TPH2: variants seen among roughly 807,000 people sequenced by gnomAD.
TPH2 encodes the protein tryptophan 5-hydroxylase 2.
A neutral mutation model predicts 59.1 loss-of-function variants in TPH2; 27 were observed. That is an observed-to-expected ratio of 0.46 (90% CI 0.34 to 0.63). The LOEUF (loss-of-function observed/expected upper bound fraction) is 0.63, where lower values mean the gene tolerates loss of function less well. Among genes scored for constraint, TPH2 ranks in the 30% least tolerant of loss-of-function variants. The pLI is 0.01. For missense variants in TPH2, 523 were observed against 588.3 expected (o/e 0.89, Z 1.15); for synonymous variants, 220 against 210.5 (o/e 1.05, Z -0.39).
At chr12:72,031,193 G>C in intron 9 of TPH2, 65 bp from the exon 10 acceptor site, 1 of 1,603,642 alleles carries the variant, frequency 6.2e-7, no homozygotes, top group Admixed American at 1.7e-5. Flanking sequence ...TTGTAAAAAT[G>C]TGATGTCATG....
At chr12:71,983,150 C>A (rs1424746617) in intron 7 of TPH2, among the ~76,000 whole-genome samples, 1 of 151,974 alleles carries the variant, frequency 6.6e-6, no homozygotes, top group Non-Finnish European at 1.5e-5. Flanking sequence ...GAACCCCTGG[C>A]AAATTAGTGA....
At chr12:71,976,752 G>A (rs976134570) in intron 6 of TPH2, among the ~76,000 whole-genome samples, 3 of 152,180 alleles carry the variant, frequency 2.0e-5, no homozygotes, top group Non-Finnish European at 4.4e-5. Flanking sequence ...ATCCCAGGAT[G>A]GGCCTGTTTT....
intron 1 of TPH2, among the ~76,000 whole-genome samples, chr12:71,939,429 T>C (rs1870995824): frequency 6.8e-6 from 1 of 147,978 alleles, no homozygotes; most frequent in East Asian, 2.0e-4. Context: ...GTGTGAAGAA[T>C]TTTGAAAAGC....
intron 8 of TPH2, among the ~76,000 whole-genome samples, chr12:72,018,945 A>T (rs1233487403): frequency 4.6e-5 from 7 of 152,130 alleles, no homozygotes; most frequent in Non-Finnish European, 1.0e-4. Context: ...TGGGTAAATC[A>T]CTTCATCTTC....
intron 5 of TPH2, 134 bp from the exon 6 acceptor site, chr12:71,972,385 A>G: frequency 1.2e-6 from 1 of 835,366 alleles, no homozygotes; most frequent in Admixed American, 1.7e-5. Context: ...AAAAAATAAT[A>G]CTTAATGGGA....
At chr12:72,000,973 C>T (rs1450715507) in intron 8 of TPH2, among the ~76,000 whole-genome samples, 3 of 152,208 alleles carry the variant, frequency 2.0e-5, no homozygotes, top group Non-Finnish European at 4.4e-5. Context: ...GGGCATCTTT[C>T]GTCAAACAGT....
At chr12:71,957,327 ATTTT>A (rs35425528) in intron 5 of TPH2, among the ~76,000 whole-genome samples, 7 of 95,590 alleles carry the variant, frequency 7.3e-5, no homozygotes, top group South Asian at 4.0e-4. Context: ...TGAGTAAAGG[ATTTT>A]TTTTTTTTTT....
Position 72,031,982 on chromosome 12 carries a change from T to G in TPH2, c.*287T>G. 1 of 424,974 alleles carries G rather than the reference T, an allele frequency of 2.4e-6. No homozygotes were observed. Among genetic ancestry groups the G allele is most frequent in the East Asian group, 4.9e-5 (1 of 20,340 alleles). 26.3% of individuals were successfully genotyped at this position (424,974 alleles called of 1,614,324 possible). On this transcript the variant is annotated 3_prime_UTR_variant, in exon 11 of 11. Coordinates refer to ENST00000333850, the MANE Select transcript of TPH2 (RefSeq NM_173353.4). ...TAACCAAACTGCATCTAGTTAAAAT[T>G]TGTAACAAATAGCCCTCTTATGAGT...
At chr12:71,942,049 T>A (rs1871084764) in intron 2 of TPH2, among the ~76,000 whole-genome samples, 1 of 152,170 alleles carries the variant, frequency 6.6e-6, no homozygotes, top group African/African-American at 2.4e-5. Context: ...AAACAGGGTA[T>A]CTTAAGTAGC....
intron 8 of TPH2, among the ~76,000 whole-genome samples, chr12:72,021,239 G>A (rs1221161726): frequency 2.6e-5 from 4 of 151,586 alleles, no homozygotes; most frequent in Non-Finnish European, 4.4e-5. Context: ...TCTTCTCGTT[G>A]TGCAAAGATT....
intron 8 of TPH2, among the ~76,000 whole-genome samples, chr12:72,014,835 T>G (rs1472418913): frequency 6.6e-6 from 1 of 152,160 alleles, no homozygotes; most frequent in Non-Finnish European, 1.5e-5. Flanking sequence ...AAAATTGATG[T>G]CTGGTGGGAG....
intron 1 of TPH2, among the ~76,000 whole-genome samples, chr12:71,939,588 G>A (rs1477755121): frequency 6.6e-6 from 1 of 152,116 alleles, no homozygotes; most frequent in Non-Finnish European, 1.5e-5. Context: ...AGTTATGGGT[G>A]CAGGTTATTG....
intron 6 of TPH2, among the ~76,000 whole-genome samples, chr12:71,975,929 G>A (rs527255036): frequency 4.1e-4 from 62 of 152,162 alleles, no homozygotes; most frequent in Non-Finnish European, 7.2e-4. Context: ...ATATCGAGAT[G>A]GCTTTTTACT....
At chr12:71,976,322 T>C (rs1223766389) in intron 6 of TPH2, among the ~76,000 whole-genome samples, 2 of 152,250 alleles carry the variant, frequency 1.3e-5, no homozygotes, top group Non-Finnish European at 2.9e-5. Flanking sequence ...ACTGGATATA[T>C]CGCCTAGTTT....
In TPH2 at chr12:71,978,956, G is replaced by A; in HGVS notation, c.810G>A (p.Arg270=). The change falls in exon 7 of 11, where the codon AGG becomes AGA. Residue 270 remains arginine (R), a synonymous_variant. Coordinates refer to ENST00000333850, the MANE Select transcript of TPH2 (RefSeq NM_173353.4). ...LEDVSMFLKE[R]SGFTVRPVAG... is the part of the protein sequence containing the mutation. ...CTTTTTCTGTTGCCTTTTTAGAAAG[G>A]TCTGGCTTCACGGTGAGGCCGGTGG... The A allele has an allele frequency of 1.2e-6, 2 of 1,614,108 alleles. No homozygotes were observed. Among genetic ancestry groups the A allele is most frequent in the Non-Finnish European group, 1.7e-6 (2 of 1,180,008 alleles).
At position 71,955,262 on chromosome 12, in the gene TPH2, C is replaced by T. The variant is rs546417647; in HGVS notation, c.608+5607C>T. ...AACATTGCTCAGCCTCAGTTTTTCT[C>T]CTCTGTAAAATGGAGACAAAACTAT... is the stretch of plus-strand genomic sequence containing the variant. On this transcript the variant is annotated intron_variant, in intron 5 of 10. Transcript: ENST00000333850. 4.6e-5 allele frequency among the ~76,000 whole-genome samples: 7 copies of T among 152,266 alleles called. No homozygotes were observed. In the East Asian group the frequency reaches 9.7e-4, roughly 21 times the overall value.
intron 7 of TPH2, among the ~76,000 whole-genome samples, chr12:71,983,303 T>C (rs1872336646): frequency 6.6e-6 from 1 of 152,200 alleles, no homozygotes. Context: ...TGCATTTCGG[T>C]ATTGCCTGGC....
chr12:71,955,784 A>C (rs1354501099), intron 5 of TPH2, among the ~76,000 whole-genome samples: 1 of 152,106 alleles, frequency 6.6e-6, no homozygotes, highest in Non-Finnish European at 1.5e-5. Flanking sequence ...AAATCATTTT[A>C]TTACCCTTTG....
In TPH2 at chr12:71,955,915, A is replaced by G. The variant is rs546586152; in HGVS notation, c.608+6260A>G. ...ATAATCCTCAAATTTAGCACCTTAA[A>G]ACAACAAACATTTATTATCTCACAT... On this transcript the variant is annotated intron_variant, in intron 5 of 10. Coordinates refer to ENST00000333850, the MANE Select transcript of TPH2 (RefSeq NM_173353.4). Among the ~76,000 whole-genome samples the G allele has an allele frequency of 4.6e-5, 7 of 152,326 alleles. No homozygotes were observed. The East Asian group carries it at 1.4e-3, about 29-fold the overall frequency.
Sources: gnomAD v4.1 joint callset for allele counts (sites outside exome capture counted in the v4.1 genomes callset) on GRCh38, gnomAD v4.1.1 for gene constraint, MANE v1.5 for transcripts, NCBI Gene and HGNC (gene_info 2026-07-23, HGNC 2026-07-21) for gene names.